The following DLG2 variants were observed in gnomAD, a reference collection of about 807,000 sequenced individuals.
DLG2 encodes the protein disks large homolog 2.
DLG2 carries 45 observed loss-of-function variants against 132.5 expected under a neutral mutation model. The observed-to-expected ratio is 0.34, with a 90% CI of 0.27 to 0.44. DLG2 has a LOEUF of 0.44. Among genes scored for constraint, DLG2 ranks in the 20% least tolerant of loss-of-function variants. The probability of loss-of-function intolerance (pLI) is 1.00; values close to 1 mark genes in which losing one functional copy is unlikely to be tolerated. For missense variants in DLG2, 1,045 were observed against 1,196.9 expected, an observed-to-expected ratio of 0.87 and a Z score of 1.87; for synonymous variants, 424 against 419.6, an observed-to-expected ratio of 1.01 and a Z score of -0.13.
chr11:84,325,570 T>C (rs2098426392), intron 7 of DLG2, among the ~76,000 whole-genome samples: 1 of 152,244 alleles, frequency 6.6e-6, no homozygotes, highest in African/African-American at 2.4e-5. Flanking sequence ...TTTCGTATGT[T>C]GAACCATTCT....
At chr11:84,710,071 C>T (rs778334723) in intron 6 of DLG2, among the ~76,000 whole-genome samples, 28 of 151,848 alleles carry the variant, frequency 1.8e-4, no homozygotes, top group Admixed American at 5.9e-4. Context: ...GAGAGAGTGT[C>T]ACATAGCAAT....
chr11:85,417,599 T>C (rs1324861111), intron 3 of DLG2, among the ~76,000 whole-genome samples: 3 of 152,210 alleles, frequency 2.0e-5, no homozygotes, highest in African/African-American at 4.8e-5. Flanking sequence ...TGGTAGGCTA[T>C]TAATTACTGC....
intron 9 of DLG2, among the ~76,000 whole-genome samples, chr11:84,139,529 A>G (rs1293187818): frequency 1.3e-5 from 2 of 152,158 alleles, no homozygotes; most frequent in Non-Finnish European, 2.9e-5. Context: ...ACAAATTATT[A>G]TATAATACTT....
chr11:84,491,998 T>C (rs762500622), intron 7 of DLG2, among the ~76,000 whole-genome samples: 3 of 152,124 alleles, frequency 2.0e-5, no homozygotes, highest in Non-Finnish European at 2.9e-5. Context: ...ATAACAAGGA[T>C]TGTTACATTC....
chr11:85,029,769 A>T (rs2060854624), intron 6 of DLG2, among the ~76,000 whole-genome samples: 1 of 152,206 alleles, frequency 6.6e-6, no homozygotes, highest in Non-Finnish European at 1.5e-5. Flanking sequence ...AATTAAATGT[A>T]GCCAACTCTG....
At chr11:85,525,514 GACA>G (rs1338402528) in intron 3 of DLG2, among the ~76,000 whole-genome samples, 1 of 152,152 alleles carries the variant, frequency 6.6e-6, no homozygotes, top group Non-Finnish European at 1.5e-5. Flanking sequence ...AGAAAATCCT[GACA>G]ACTTTTCTTC....
At chr11:83,924,258 G>C (rs1197061695) in intron 15 of DLG2, among the ~76,000 whole-genome samples, 2 of 152,054 alleles carry the variant, frequency 1.3e-5, no homozygotes, top group African/African-American at 4.8e-5. Flanking sequence ...TACAGACTTT[G>C]AAACAGTTAA....
chr11:84,776,242 T>A (rs2070466584), intron 6 of DLG2, among the ~76,000 whole-genome samples: 1 of 152,088 alleles, frequency 6.6e-6, no homozygotes, highest in Non-Finnish European at 1.5e-5. Flanking sequence ...GCAGTCTTGA[T>A]CTTCTGGGCT....
intron 18 of DLG2, among the ~76,000 whole-genome samples, chr11:83,710,318 A>G (rs955722395): frequency 1.3e-5 from 2 of 151,986 alleles, no homozygotes; most frequent in African/African-American, 4.8e-5. Context: ...ACCCGCCACC[A>G]TGCCTGATTA....
intron 7 of DLG2, among the ~76,000 whole-genome samples, chr11:84,263,254 T>C (rs1465215791): frequency 6.6e-6 from 1 of 151,964 alleles, no homozygotes; most frequent in Non-Finnish European, 1.5e-5. Flanking sequence ...TGTATAACTT[T>C]TCATTCTGGG....
chr11:84,727,677 A>G (rs2062651642), intron 6 of DLG2, among the ~76,000 whole-genome samples: 1 of 152,144 alleles, frequency 6.6e-6, no homozygotes, highest in South Asian at 2.1e-4. Flanking sequence ...GAATCTATAA[A>G]TTACTTTGGG....
intron 18 of DLG2, among the ~76,000 whole-genome samples, chr11:83,780,721 G>A (rs1299761204): frequency 6.6e-6 from 1 of 152,176 alleles, no homozygotes; most frequent in Non-Finnish European, 1.5e-5. Context: ...GGGCGGGGTA[G>A]ACAAAGTAGA....
chr11:83,500,814 T>G (rs894255302), intron 21 of DLG2, among the ~76,000 whole-genome samples: 4 of 152,160 alleles, frequency 2.6e-5, no homozygotes, highest in Non-Finnish European at 5.9e-5. Flanking sequence ...GTGCAAGAGA[T>G]GATAAAATTT....
intron 3 of DLG2, among the ~76,000 whole-genome samples, chr11:85,312,697 A>T (rs1341358830): frequency 6.6e-6 from 1 of 151,970 alleles, no homozygotes; most frequent in Non-Finnish European, 1.5e-5. Context: ...TAGGAGCTTG[A>T]AAAAGTAAAT....
At chr11:85,473,313 C>G (rs2093043575) in intron 3 of DLG2, among the ~76,000 whole-genome samples, 1 of 152,146 alleles carries the variant, frequency 6.6e-6, no homozygotes, top group Non-Finnish European at 1.5e-5. Context: ...CAAAACAGCC[C>G]CCCAAAAATC....
intron 8 of DLG2, among the ~76,000 whole-genome samples, chr11:84,250,427 A>G (rs575103367): frequency 1.3e-5 from 2 of 152,294 alleles, no homozygotes; most frequent in South Asian, 2.1e-4. Context: ...TCATTTAATC[A>G]AAGGCCAGGA....
In DLG2 at chr11:85,492,585, T is replaced by C. The variant is rs572741470; in HGVS notation, c.40+106072A>G. Among the ~76,000 whole-genome samples, 12 of 152,310 alleles carry C rather than the reference T, an allele frequency of 7.9e-5. No individual in the cohort carries two copies. The South Asian group carries it at 2.5e-3, about 32-fold the overall frequency. On this transcript the variant is annotated intron_variant, in intron 3 of 27. Coordinates refer to ENST00000376104, the MANE Select transcript of DLG2 (RefSeq NM_001142699.3). ...TTTTGCTTTTTATCATCTCAAATTCTTTTTGGAGAAGTACAGAAAATAGAT... is the reference window on the plus strand; with the variant it reads ...TTTTGCTTTTTATCATCTCAAATTCCTTTTGGAGAAGTACAGAAAATAGAT...
At chr11:85,087,864 A>C (rs796865132) in intron 6 of DLG2, among the ~76,000 whole-genome samples, 2 of 149,190 alleles carry the variant, frequency 1.3e-5, no homozygotes, top group South Asian at 2.1e-4. Flanking sequence ...AAAAAAAAAA[A>C]AAAAACAGAT....
At chr11:84,840,776 C>G (rs1413731494) in intron 6 of DLG2, among the ~76,000 whole-genome samples, 2 of 151,832 alleles carry the variant, frequency 1.3e-5, no homozygotes, top group Admixed American at 6.6e-5. Flanking sequence ...TCACTCATAG[C>G]TGGGAATTGA....
Sources: gnomAD v4.1 joint callset for allele counts (sites outside exome capture counted in the v4.1 genomes callset) on GRCh38, gnomAD v4.1.1 for gene constraint, MANE v1.5 for transcripts, NCBI Gene and HGNC (gene_info 2026-07-23, HGNC 2026-07-21) for gene names.